DNM3: variants seen among roughly 807,000 people sequenced by gnomAD.
DNM3 encodes dynamin 3.
Under a neutral mutation model 101.6 loss-of-function variants are expected in DNM3, and 47 were observed. The observed-to-expected ratio is 0.46, with a 90% CI of 0.37 to 0.59. The LOEUF (loss-of-function observed/expected upper bound fraction) is 0.59, where lower values mean the gene tolerates loss of function less well. Ranked by LOEUF, DNM3 falls within the 20% of genes least tolerant of loss-of-function variation. The probability of loss-of-function intolerance (pLI) is 0.00; values close to 1 mark genes in which losing one functional copy is unlikely to be tolerated. For missense variants in DNM3, 849 were observed against 1,085.7 expected (o/e 0.78, Z 3.06); for synonymous variants, 385 against 387.9 (o/e 0.99, Z 0.09).
At chr1:171,917,801 A>G (rs572472539) in intron 1 of DNM3, among the ~76,000 whole-genome samples, 1 of 152,358 alleles carries the variant, frequency 6.6e-6, no homozygotes, top group East Asian at 1.9e-4. Context: ...TGTAGTCTAA[A>G]TCCAAAGTAA....
intron 14 of DNM3, among the ~76,000 whole-genome samples, chr1:172,134,096 T>C (rs1332785461): frequency 6.6e-6 from 1 of 152,060 alleles, no homozygotes; most frequent in Non-Finnish European, 1.5e-5. Context: ...GGAGACCAGA[T>C]TGGAAACTCT....
rs1399924589 is a variant in DNM3 at position 172,068,848 on chromosome 1, A to G, written c.1365A>G (p.Glu455=). ...KLANFPRLCE[E]TERIVANHIR... ...CAAACTTCCCCAGACTCTGCGAGGAAACGGAAAGGATTGTTGCTAACCACA... is the reference window on the plus strand; with the variant it reads ...CAAACTTCCCCAGACTCTGCGAGGAGACGGAAAGGATTGTTGCTAACCACA... Residue 455 remains glutamate (E), a synonymous_variant, in exon 11 of 21, where the codon GAA becomes GAG. Transcript: ENST00000627582. 2.5e-6 allele frequency: 4 copies of G among 1,575,070 alleles called. No homozygotes were observed. The highest frequency in any genetic ancestry group is 3.4e-6 in the Non-Finnish European group (4 of 1,159,514).
intron 15 of DNM3, among the ~76,000 whole-genome samples, chr1:172,278,078 A>G (rs756717124): frequency 6.6e-6 from 1 of 152,128 alleles, no homozygotes. Context: ...AATACAGTTG[A>G]AGTGAACACT....
At chr1:172,080,820 G>A (rs2053082578) in intron 11 of DNM3, among the ~76,000 whole-genome samples, 1 of 152,118 alleles carries the variant, frequency 6.6e-6, no homozygotes, top group Non-Finnish European at 1.5e-5. Flanking sequence ...GTAGTATCTG[G>A]GCCAGAATGC....
At chr1:172,271,064 T>A (rs1180939020) in intron 15 of DNM3, among the ~76,000 whole-genome samples, 3 of 152,158 alleles carry the variant, frequency 2.0e-5, no homozygotes, top group African/African-American at 7.2e-5. Context: ...CTATCATCAC[T>A]GTACTAAGGA....
chr1:171,878,082 TA>T (rs545347384), intron 1 of DNM3, among the ~76,000 whole-genome samples: 276 of 151,720 alleles, frequency 1.8e-3, no homozygotes, highest in Non-Finnish European at 2.8e-3. Flanking sequence ...AATTTAAAAG[TA>T]AAGTAAAATT....
chr1:171,986,357 A>C (rs1177943268), intron 2 of DNM3, among the ~76,000 whole-genome samples: 2 of 152,130 alleles, frequency 1.3e-5, no homozygotes, highest in Non-Finnish European at 2.9e-5. Flanking sequence ...AGTTAATGCT[A>C]ACCTGCTTGA....
At chr1:171,896,739 T>A (rs890873897) in intron 1 of DNM3, among the ~76,000 whole-genome samples, 3 of 152,166 alleles carry the variant, frequency 2.0e-5, no homozygotes, top group African/African-American at 7.2e-5. Context: ...CACTTGCAAT[T>A]TTTTTCTGAT....
At chr1:171,988,402 C>T (rs919490496) in intron 3 of DNM3, among the ~76,000 whole-genome samples, 7 of 151,650 alleles carry the variant, frequency 4.6e-5, no homozygotes, top group African/African-American at 1.5e-4. Context: ...TACTTGGTGC[C>T]AACATTGTTT....
At chr1:172,054,567 T>A (rs1005099113) in intron 10 of DNM3, among the ~76,000 whole-genome samples, 1 of 152,134 alleles carries the variant, frequency 6.6e-6, no homozygotes, top group African/African-American at 2.4e-5. Flanking sequence ...GGAACCGACA[T>A]TCTTGGATCA....
intron 2 of DNM3, among the ~76,000 whole-genome samples, chr1:171,948,598 A>G (rs527409127): frequency 6.6e-6 from 1 of 152,294 alleles, no homozygotes; most frequent in South Asian, 2.1e-4. Flanking sequence ...CTCCTCACGA[A>G]TAACTTGGGT....
chr1:172,378,978 G>T (rs1326847266), intron 17 of DNM3, 40 bp from the exon 18 acceptor site: 1 of 1,587,192 alleles, frequency 6.3e-7, no homozygotes, highest in Admixed American at 1.8e-5. Flanking sequence ...TCTTCTGAGT[G>T]AATATGAGAT....
At chr1:172,092,933 G>C (rs979137589) in intron 13 of DNM3, 58 bp downstream of exon 13, 16 of 1,437,326 alleles carry the variant, frequency 1.1e-5, no homozygotes, top group Non-Finnish European at 1.3e-5. Context: ...GAACTAAATC[G>C]CTTGATTGAC....
chr1:172,233,137 C>G (rs1233233868), intron 14 of DNM3, among the ~76,000 whole-genome samples: 11 of 152,230 alleles, frequency 7.2e-5, no homozygotes, highest in Non-Finnish European at 1.5e-4. Context: ...TGATAGACCA[C>G]TAGCAAGACT....
intron 17 of DNM3, chr1:172,339,188 C>T: frequency 3.1e-6 from 1 of 325,544 alleles, no homozygotes; most frequent in Non-Finnish European, 6.0e-6. Context: ...TTACAGTCTA[C>T]CTCTAACTAA....
At chr1:172,320,875 A>G (rs2065682423) in intron 16 of DNM3, among the ~76,000 whole-genome samples, 1 of 152,234 alleles carries the variant, frequency 6.6e-6, no homozygotes, top group Non-Finnish European at 1.5e-5. Context: ...TGTCCTGGAA[A>G]GAAATTTGGT....
intron 14 of DNM3, among the ~76,000 whole-genome samples, chr1:172,132,040 A>T (rs944724854): frequency 6.6e-6 from 1 of 152,178 alleles, no homozygotes; most frequent in Admixed American, 6.6e-5. Flanking sequence ...AATTTTTAAT[A>T]GCCCTGGTCT....
At chr1:171,954,621 C>T (rs1460911078) in intron 2 of DNM3, among the ~76,000 whole-genome samples, 5 of 152,124 alleles carry the variant, frequency 3.3e-5, no homozygotes, top group East Asian at 1.9e-4. Context: ...CTGTGGGCAG[C>T]GGCGTTTTAC....
chr1:172,199,557 T>A (rs116438100), intron 14 of DNM3, among the ~76,000 whole-genome samples: 330 of 152,260 alleles, frequency 2.2e-3, no homozygotes, highest in African/African-American at 7.7e-3. Context: ...TCTTTGTAAG[T>A]CTCTAAGAAC....
Sources: allele counts gnomAD v4.1 joint callset (sites outside exome capture counted in the v4.1 genomes callset), GRCh38; gene constraint gnomAD v4.1.1; transcripts MANE v1.5; gene names NCBI Gene and HGNC (gene_info 2026-07-23, HGNC 2026-07-21).